ZFHX3: variants seen among roughly 807,000 people sequenced by gnomAD.
ZFHX3 encodes the protein zinc finger homeobox 3.
In ZFHX3, 42 loss-of-function variants were observed where a neutral mutation model predicts 279.1. The observed-to-expected ratio is 0.15, with a 90% CI of 0.12 to 0.19. The LOEUF (loss-of-function observed/expected upper bound fraction) is 0.19. ZFHX3 is among the 10% of genes least tolerant of loss of function. ZFHX3 has a pLI of 1.00. For missense variants in ZFHX3, 4,981 were observed against 4,754.0 expected, an observed-to-expected ratio of 1.05 and a Z score of -1.40; for synonymous variants, 2,293 against 1,957.8, an observed-to-expected ratio of 1.17 and a Z score of -4.52.
At chr16:73,464,962 C>G (rs557708793) in intron 2 of ZFHX3, among the ~76,000 whole-genome samples, 1 of 152,080 alleles carries the variant, frequency 6.6e-6, no homozygotes, top group Admixed American at 6.5e-5. Flanking sequence ...CAAGGCTGGG[C>G]GGGAGGGGAG....
At chr16:73,173,585 C>G (rs969487161) in intron 5 of ZFHX3, among the ~76,000 whole-genome samples, 2 of 152,120 alleles carry the variant, frequency 1.3e-5, no homozygotes, top group African/African-American at 2.4e-5. Flanking sequence ...ATGCTCTGCT[C>G]TCTTGCACTC....
At chr16:72,889,249 A>G (rs1222011423) in intron 4 of ZFHX3, among the ~76,000 whole-genome samples, 1 of 152,148 alleles carries the variant, frequency 6.6e-6, no homozygotes, top group South Asian at 2.1e-4. Context: ...ATTCCTCTCT[A>G]AAGTTCAGTT....
At chr16:72,824,216 A>C (rs781560524) in intron 5 of ZFHX3, among the ~76,000 whole-genome samples, 11 of 152,292 alleles carry the variant, frequency 7.2e-5, no homozygotes, top group Non-Finnish European at 1.0e-4. Context: ...AAACATGTCA[A>C]ATCCGATTGG....
Position 73,740,329 on chromosome 16 carries a change from G to C in ZFHX3, c.-1607-60089C>G, listed in dbSNP as rs542181305. On this transcript the variant is annotated intron_variant, in intron 1 of 17. Transcript: ENST00000641206. ...CCAAAAAGTGACTGAGCAGATACGA[G>C]GCAGGCTGGGGAAGGCTGGCTCCCT... is the stretch of plus-strand genomic sequence containing the variant. Among the ~76,000 whole-genome samples the C allele has an allele frequency of 1.1e-4, 16 of 152,184 alleles. 2 individuals carry two copies. The highest frequency in any genetic ancestry group is 3.9e-4 in the African/African-American group (16 of 41,518).
At chr16:73,749,383 T>G (rs1053438816) in intron 1 of ZFHX3, among the ~76,000 whole-genome samples, 2 of 151,994 alleles carry the variant, frequency 1.3e-5, no homozygotes, top group Non-Finnish European at 2.9e-5. Flanking sequence ...GAACCCTACC[T>G]TCCAGGCAGG....
chr16:73,729,443 C>A (rs558493293), intron 1 of ZFHX3, among the ~76,000 whole-genome samples: 1 of 152,084 alleles, frequency 6.6e-6, no homozygotes, highest in Admixed American at 6.5e-5. Flanking sequence ...TCTGGAGAAT[C>A]GCTTGAACCT....
At chr16:73,049,697 G>C (rs1055463641), upstream of ZFHX3, among the ~76,000 whole-genome samples, 2 of 152,162 alleles carry the variant, frequency 1.3e-5, no homozygotes, top group African/African-American at 4.8e-5. Flanking sequence ...TCAGTCACAC[G>C]TGAGAGCACG....
At chr16:73,152,188 AGTCATAACAG>A (rs2144846890) in intron 5 of ZFHX3, among the ~76,000 whole-genome samples, 1 of 152,340 alleles carries the variant, frequency 6.6e-6, no homozygotes, top group African/African-American at 2.4e-5. Flanking sequence ...AACTCCAGTC[AGTCATAACAG>A]CTGACAAATA....
chr16:73,587,178 A>G (rs1448317115), intron 2 of ZFHX3, among the ~76,000 whole-genome samples: 1 of 152,242 alleles, frequency 6.6e-6, no homozygotes, highest in Non-Finnish European at 1.5e-5. Context: ...TCAGTTCAGA[A>G]CCATGATAGA....
At chr16:73,376,656 C>T (rs1039560137) in intron 3 of ZFHX3, among the ~76,000 whole-genome samples, 14 of 152,242 alleles carry the variant, frequency 9.2e-5, no homozygotes, top group African/African-American at 2.4e-4. Flanking sequence ...AACAACCGTA[C>T]GGGAAGATTT....
intron 2 of ZFHX3, among the ~76,000 whole-genome samples, chr16:73,498,892 T>C (rs1016101642): frequency 6.6e-6 from 1 of 152,122 alleles, no homozygotes; most frequent in African/African-American, 2.4e-5. Flanking sequence ...AGTGAGTGCT[T>C]CGGTTCTGAT....
At chr16:73,011,533 G>A (rs1963917945) in intron 1 of ZFHX3, among the ~76,000 whole-genome samples, 1 of 152,024 alleles carries the variant, frequency 6.6e-6, no homozygotes, top group South Asian at 2.1e-4. Flanking sequence ...ACGAGGTCAA[G>A]AGATCAAGAC....
chr16:72,787,503 A>T lies in ZFHX3; in HGVS notation c.10773T>A (p.Ala3591=). 6.2e-7 allele frequency: 1 copy of T among 1,613,676 alleles called. No homozygotes were observed. The highest frequency in any genetic ancestry group is 8.5e-7 in the Non-Finnish European group (1 of 1,179,862). The change falls in exon 10 of 10, where the codon GCT becomes GCA. Residue 3591 remains alanine, a synonymous_variant. Transcript: ENST00000268489. The part of the protein sequence containing the change: ...PSTASTSQSA[A]HSNDSPPPPS... ...GGGGAGGGGGGCTGTCGTTTGAGTG[A>T]GCGGCAGACTGCGAGGTAGATGCGG...
intron 7 of ZFHX3, among the ~76,000 whole-genome samples, chr16:73,102,247 G>C (rs745484890): frequency 6.6e-6 from 1 of 152,172 alleles, no homozygotes; most frequent in African/African-American, 2.4e-5. Flanking sequence ...TGCAGATGAA[G>C]AACTTGGAAA....
intron 5 of ZFHX3, among the ~76,000 whole-genome samples, chr16:73,222,977 C>A (rs1597228270): frequency 6.6e-6 from 1 of 152,244 alleles, no homozygotes; most frequent in South Asian, 2.1e-4. Context: ...GAAAGATAGT[C>A]TTTTAAACAA....
chr16:73,335,906 T>C (rs1347146805), intron 3 of ZFHX3, among the ~76,000 whole-genome samples: 1 of 152,254 alleles, frequency 6.6e-6, no homozygotes, highest in Non-Finnish European at 1.5e-5. Flanking sequence ...ACTGCCTTCA[T>C]GCCCTCACCG....
intron 5 of ZFHX3, among the ~76,000 whole-genome samples, chr16:73,222,302 C>A (rs771063951): frequency 5.3e-5 from 8 of 151,790 alleles, no homozygotes; most frequent in Non-Finnish European, 7.4e-5. Flanking sequence ...CAGATGATAT[C>A]GTCTATGTAG....
intron 1 of ZFHX3, among the ~76,000 whole-genome samples, chr16:73,711,240 T>C (rs1376986123): frequency 6.6e-6 from 1 of 151,970 alleles, no homozygotes; most frequent in Non-Finnish European, 1.5e-5. Context: ...ATGGACCCTC[T>C]ACTCTCCAGA....
chr16:73,759,424 A>G (rs748981105), intron 1 of ZFHX3, among the ~76,000 whole-genome samples: 9 of 152,178 alleles, frequency 5.9e-5, no homozygotes, highest in Non-Finnish European at 2.9e-5. Flanking sequence ...TTTTAGTCAC[A>G]TGACCATACC....
Sources: allele counts gnomAD v4.1 joint callset (sites outside exome capture counted in the v4.1 genomes callset), GRCh38; gene constraint gnomAD v4.1.1; transcripts MANE v1.5; gene names NCBI Gene and HGNC (gene_info 2026-07-23, HGNC 2026-07-21).